Variants in IGSF21 observed in about 807,000 individuals in gnomAD.
The protein encoded by IGSF21 is immunoglobin superfamily member 21.
IGSF21 carries 28 observed loss-of-function variants against 46.8 expected under a neutral mutation model. The observed-to-expected ratio is 0.60, with a 90% confidence interval of 0.44 to 0.82. The LOEUF is 0.82. Ranked by LOEUF, IGSF21 falls within the 40% of genes least tolerant of loss-of-function variation. The pLI, the probability that IGSF21 is intolerant of heterozygous loss-of-function variation, is 0.00. For missense variants in IGSF21, 624 were observed against 665.5 expected (o/e 0.94, Z 0.69); for synonymous variants, 284 against 273.6 (o/e 1.04, Z -0.38).
At chr1:18,249,553 G>A (rs2084817140) in intron 2 of IGSF21, among the ~76,000 whole-genome samples, 1 of 152,124 alleles carries the variant, frequency 6.6e-6, no homozygotes, top group South Asian at 2.1e-4. Context: ...TCTGGGCTTG[G>A]AGAGCTCAGC....
chr1:18,327,693 T>C (rs1222606674), intron 3 of IGSF21, among the ~76,000 whole-genome samples: 3 of 152,092 alleles, frequency 2.0e-5, no homozygotes, highest in Admixed American at 2.0e-4. Context: ...GGAATCATGA[T>C]TTATAGTGAC....
chr1:18,126,117 T>C (rs2086272653), intron 1 of IGSF21, among the ~76,000 whole-genome samples: 1 of 152,112 alleles, frequency 6.6e-6, no homozygotes, highest in South Asian at 2.1e-4. Flanking sequence ...GAACCCCAAC[T>C]TCCCATAGAG....
chr1:18,142,432 A>G (rs897400851), intron 1 of IGSF21, among the ~76,000 whole-genome samples: 7 of 152,192 alleles, frequency 4.6e-5, no homozygotes, highest in African/African-American at 1.7e-4. Flanking sequence ...TGTGATGGTC[A>G]GATGTTCTAC....
At chr1:18,328,043 A>G (rs922912569) in intron 3 of IGSF21, among the ~76,000 whole-genome samples, 3 of 152,232 alleles carry the variant, frequency 2.0e-5, no homozygotes, top group Non-Finnish European at 4.4e-5. Flanking sequence ...CAGGTTAATT[A>G]ACGTCCAGCC....
chr1:18,183,472 C>A (rs1173077660), intron 1 of IGSF21, among the ~76,000 whole-genome samples: 1 of 152,206 alleles, frequency 6.6e-6, no homozygotes, highest in Non-Finnish European at 1.5e-5. Context: ...TAACCTTGTG[C>A]ATCTGGTACC....
intron 1 of IGSF21, among the ~76,000 whole-genome samples, chr1:18,132,896 G>A (rs1198852935): frequency 1.3e-5 from 2 of 151,024 alleles, no homozygotes; most frequent in Admixed American, 1.3e-4. Flanking sequence ...AGAAACAGAG[G>A]CTCTGAGCAG....
intron 5 of IGSF21, among the ~76,000 whole-genome samples, chr1:18,364,625 T>G (rs1449541935): frequency 6.6e-6 from 1 of 152,074 alleles, no homozygotes; most frequent in Admixed American, 6.5e-5. Context: ...GAGTTCCCCG[T>G]TAGCAGAGAA....
chr1:18,227,745 G>T (rs1335246482), intron 1 of IGSF21, among the ~76,000 whole-genome samples, 153 bp from the exon 2 acceptor site: 1 of 152,044 alleles, frequency 6.6e-6, no homozygotes, highest in Admixed American at 6.5e-5. Context: ...ACCATTCACA[G>T]AAACCACAGT....
At chr1:18,280,853 C>T (rs985089078) in intron 2 of IGSF21, among the ~76,000 whole-genome samples, 1 of 152,166 alleles carries the variant, frequency 6.6e-6, no homozygotes, top group Admixed American at 6.5e-5. Flanking sequence ...CTCCTGTCTG[C>T]CCCGAAGGCT....
At chr1:18,350,650 CT>C (rs2085942901) in intron 4 of IGSF21, among the ~76,000 whole-genome samples, 1 of 152,002 alleles carries the variant, frequency 6.6e-6, no homozygotes, top group South Asian at 2.1e-4. Context: ...ATGCATCCCC[CT>C]CCCACAAAAA....
chr1:18,155,714 T>C (rs2086562423), intron 1 of IGSF21, among the ~76,000 whole-genome samples: 1 of 152,190 alleles, frequency 6.6e-6, no homozygotes, highest in African/African-American at 2.4e-5. Context: ...GAACTGGTGA[T>C]GAACTGCTGG....
chr1:18,168,746 A>G (rs2086704494), intron 1 of IGSF21, among the ~76,000 whole-genome samples: 1 of 152,234 alleles, frequency 6.6e-6, no homozygotes, highest in Admixed American at 6.5e-5. Flanking sequence ...TCGATTGTAC[A>G]CAGTAGTAAA....
intron 1 of IGSF21, among the ~76,000 whole-genome samples, chr1:18,173,254 C>T (rs1433855318): frequency 6.6e-6 from 1 of 152,234 alleles, no homozygotes; most frequent in Non-Finnish European, 1.5e-5. Flanking sequence ...CACCACTGCA[C>T]TCCAGCCTCA....
chr1:18,285,296 G>A (rs954314898), intron 2 of IGSF21, among the ~76,000 whole-genome samples: 1 of 151,942 alleles, frequency 6.6e-6, no homozygotes, highest in Admixed American at 6.6e-5. Context: ...GCCGGTCAGC[G>A]GGCTCTCACA....
chr1:18,309,191 C>T (rs1169715954), intron 3 of IGSF21, among the ~76,000 whole-genome samples: 2 of 152,044 alleles, frequency 1.3e-5, no homozygotes, highest in Non-Finnish European at 2.9e-5. Context: ...AGTGGAAATG[C>T]TACTGTCATT....
At chr1:18,228,983 A>C (rs2084597226) in intron 2 of IGSF21, among the ~76,000 whole-genome samples, 1 of 152,204 alleles carries the variant, frequency 6.6e-6, no homozygotes, top group Non-Finnish European at 1.5e-5. Context: ...TACAAGGTTC[A>C]TGTGTCATAA....
chr1:18,376,253 A>G (rs368105453), intron 6 of IGSF21, 57 bp from the exon 7 acceptor site: 26 of 1,195,212 alleles, frequency 2.2e-5, no homozygotes, highest in Non-Finnish European at 2.8e-5. Flanking sequence ...TTTCTCTTCC[A>G]TGTACCCTGT....
At chr1:18,193,106 G>T (rs776879683) in intron 1 of IGSF21, among the ~76,000 whole-genome samples, 2 of 152,078 alleles carry the variant, frequency 1.3e-5, no homozygotes, top group South Asian at 2.1e-4. Context: ...GGGGGTGAGG[G>T]CTGTGTCCAG....
Position 18,330,010 on chromosome 1 carries a change from A to G in IGSF21, c.306-4882A>G, listed in dbSNP as rs557365109. 1.1e-3 allele frequency among the ~76,000 whole-genome samples: 161 copies of G among 152,286 alleles called. 1 individual carries two copies. The highest frequency in any genetic ancestry group is 3.6e-3 in the African/African-American group (149 of 41,564). Reference sequence around the variant, plus strand: ...CCAGCCGCTAAACTGCATTACACTGATCTCTCCAGAAACCTTTGCAGTTAT... The same window carrying G: ...CCAGCCGCTAAACTGCATTACACTGGTCTCTCCAGAAACCTTTGCAGTTAT... On this transcript the variant is annotated intron_variant, in intron 3 of 9. Transcript: ENST00000251296.
Sources: gnomAD v4.1 joint callset for allele counts (sites outside exome capture counted in the v4.1 genomes callset) on GRCh38, gnomAD v4.1.1 for gene constraint, MANE v1.5 for transcripts, NCBI Gene and HGNC (gene_info 2026-07-23, HGNC 2026-07-21) for gene names.